MEAF6: variants seen among roughly 807,000 people sequenced by gnomAD.
The protein encoded by MEAF6 is chromatin modification-related protein MEAF6.
MEAF6 carries 15 observed loss-of-function variants against 28.9 expected under a neutral mutation model. The observed-to-expected ratio is 0.52, with a 90% CI of 0.35 to 0.80. MEAF6 has a LOEUF of 0.80. Ranked by LOEUF, MEAF6 falls within the 30% of genes least tolerant of loss-of-function variation. MEAF6 has a pLI of 0.01. For synonymous variants in MEAF6, 97 were observed against 88.7 expected (o/e 1.09, Z -0.53); for missense variants, 178 against 237.5 (o/e 0.75, Z 1.65).
In MEAF6 at chr1:37,491,696, CAATAAATAAATA is replaced by C. The variant is rs57369458; in HGVS notation, c.*2391_*2402del. Among the ~76,000 whole-genome samples, 15 of 142,536 alleles carry C rather than the reference CAATAAATAAATA, an allele frequency of 1.1e-4. No individual in the cohort carries two copies. Among genetic ancestry groups the C allele is most frequent in the East Asian group, 2.0e-4 (1 of 4,882 alleles). 93.5% of individuals were successfully genotyped at this position (142,536 alleles called of 152,430 possible). ...CCTGGGTGACAGAGCAAGATCCTGTCAATAAATAAATAAATAAATAAATAAATAAATAAAATA... is the reference window on the plus strand; with the variant it reads ...CCTGGGTGACAGAGCAAGATCCTGTCAATAAATAAATAAATAAATAAAATA... On this transcript the variant is annotated 3_prime_UTR_variant, in exon 7 of 7. Transcript: ENST00000296214.
At chr1:37,496,769 T>C (rs746006130) in intron 5 of MEAF6, 6 of 1,579,980 alleles carry the variant, frequency 3.8e-6, no homozygotes, top group South Asian at 1.2e-5. Context: ...AAGAAAGCAA[T>C]AGAAATTAAT....
chr1:37,491,083 T>C lies in MEAF6; in HGVS notation c.*3016A>G, dbSNP rs965590878. Among the ~76,000 whole-genome samples the C allele has an allele frequency of 3.9e-5, 6 of 152,148 alleles. No individual in the cohort carries two copies. The highest frequency in any genetic ancestry group is 2.0e-4 in the Admixed American group (3 of 15,270). On this transcript the variant is annotated 3_prime_UTR_variant, in exon 7 of 7. Transcript: ENST00000296214. Reference sequence around the variant, plus strand: ...TAATTTGGAGTAAGGTTGGGGGGCATAGAAGACAGAATAAATGCAAAAACT... The same window carrying C: ...TAATTTGGAGTAAGGTTGGGGGGCACAGAAGACAGAATAAATGCAAAAACT...
rs1446633910 is a variant in MEAF6, at chr1:37,508,223, A to G, written c.340+1055T>C. ...TACAGAGTAAATAGCACTATTTTCC[A>G]TTTTATACTTAAGAACATACAGGTA... is the stretch of plus-strand genomic sequence containing the variant. On this transcript the variant is annotated intron_variant, in intron 4 of 6. Coordinates refer to ENST00000296214, the MANE Select transcript of MEAF6 (RefSeq NM_001270875.3). 2.0e-5 allele frequency among the ~76,000 whole-genome samples: 3 copies of G among 147,812 alleles called. No individual in the cohort carries two copies. In the East Asian group the frequency reaches 5.9e-4, roughly 29 times the overall value.
At chr1:37,505,686 C>A (rs191979325) in intron 4 of MEAF6, among the ~76,000 whole-genome samples, 40 of 152,270 alleles carry the variant, frequency 2.6e-4, no homozygotes, top group Admixed American at 9.8e-4. Context: ...ACTAAAAAAA[C>A]AACATGCTAC....
At position 37,495,932 on chromosome 1, in the gene MEAF6, G is replaced by A; in HGVS notation, c.534-14C>T. ...TTCAGATCAATCCTGTGACAGAAAA[G>A]ATAAAAGATATTTCCATTTTAATTT... On this transcript the variant is annotated splice_polypyrimidine_tract_variant and intron_variant, in intron 5 of 6. Transcript: ENST00000296214. 6.2e-7 allele frequency: 1 copy of A among 1,611,912 alleles called. No individual in the cohort carries two copies. Among genetic ancestry groups the A allele is most frequent in the Non-Finnish European group, 8.5e-7 (1 of 1,178,132 alleles).
At chr1:37,495,848 T>C (rs373187423) in intron 6 of MEAF6, 37 bp downstream of exon 6, 7 of 1,610,582 alleles carry the variant, frequency 4.3e-6, no homozygotes, top group African/African-American at 2.7e-5. Flanking sequence ...ATCTACAAAA[T>C]TGCCAGCCTC....
At chr1:37,494,446 C>T (rs980772305) in intron 6 of MEAF6, among the ~76,000 whole-genome samples, 2 of 137,248 alleles carry the variant, frequency 1.5e-5, no homozygotes, top group Non-Finnish European at 3.0e-5. Context: ...ACCTGGAAGG[C>T]GGAGGTTGCA....
intron 5 of MEAF6, among the ~76,000 whole-genome samples, chr1:37,498,602 G>GT (rs957878443): frequency 4.0e-5 from 6 of 151,444 alleles, no homozygotes; most frequent in Admixed American, 6.6e-5. Context: ...TAATTACTGT[G>GT]TTTTTTTGTA....
At chr1:37,499,783 T>G (rs1642238027) in intron 5 of MEAF6, among the ~76,000 whole-genome samples, 1 of 152,204 alleles carries the variant, frequency 6.6e-6, no homozygotes, top group African/African-American at 2.4e-5. Flanking sequence ...AGAAGTATTG[T>G]TCCTATGGAA....
At chr1:37,505,832 G>A (rs114060931) in intron 4 of MEAF6, among the ~76,000 whole-genome samples, 7,757 of 152,226 alleles carry the variant, frequency 0.051, 291 homozygotes, top group Non-Finnish European at 0.077. Flanking sequence ...ACAATTCAAT[G>A]AAGAAAGAAA....
intron 2 of MEAF6, among the ~76,000 whole-genome samples, chr1:37,510,387 T>TC (rs1348386517): frequency 1.4e-5 from 2 of 144,710 alleles, no homozygotes; most frequent in Non-Finnish European, 3.0e-5. Flanking sequence ...AGCCATTTTT[T>TC]TTTTTTTTTT....
rs997669490 is a variant in MEAF6 at position 37,490,825 on chromosome 1, G to A, written c.*3274C>T. ...GTGGATTACGAAGTCAGGAGTTTGA[G>A]TCCAGCCTGGCCAATATGGTGAAAC... On this transcript the variant is annotated 3_prime_UTR_variant, in exon 7 of 7. Coordinates refer to ENST00000296214, the MANE Select transcript of MEAF6 (RefSeq NM_001270875.3). Among the ~76,000 whole-genome samples the A allele has an allele frequency of 6.6e-5, 10 of 151,952 alleles. No homozygotes were observed.
chr1:37,514,532 C>T (rs2294874), intron 1 of MEAF6, 125 bp downstream of exon 1: 2 of 618,270 alleles, frequency 3.2e-6, no homozygotes, highest in East Asian at 7.8e-5. Flanking sequence ...CTCAGGCCGC[C>T]GAGCACCCGG....
intron 6 of MEAF6, 90 bp downstream of exon 6, chr1:37,495,795 T>C: frequency 7.8e-7 from 1 of 1,280,036 alleles, no homozygotes; most frequent in Non-Finnish European, 1.1e-6. Context: ...TGACTCCAGG[T>C]TAGGAACACT....
chr1:37,513,347 G>T, intron 2 of MEAF6, 76 bp downstream of exon 2: 1 of 1,076,742 alleles, frequency 9.3e-7, no homozygotes, highest in Non-Finnish European at 1.4e-6. Context: ...CAGCAAAGTT[G>T]CCACTAAGAG....
intron 6 of MEAF6, 76 bp from the exon 7 acceptor site, chr1:37,494,183 T>A: frequency 1.6e-6 from 2 of 1,276,510 alleles, no homozygotes; most frequent in Non-Finnish European, 1.1e-6. Flanking sequence ...AAAAAAAATC[T>A]CATAAACAAC....
rs1047160669 is a variant in MEAF6, at chr1:37,492,204, A to AT, written c.*1894dup. 6.6e-6 allele frequency among the ~76,000 whole-genome samples: 1 copy of AT among 151,894 alleles called. No homozygotes were observed. The highest frequency in any genetic ancestry group is 2.1e-4 in the South Asian group (1 of 4,824). ...CCACCACGCTCAGCTAATTTTTTGC[A>AT]TTTTTAGTAGAGATGGGGTTTCACT... On this transcript the variant is annotated 3_prime_UTR_variant, in exon 7 of 7. Transcript: ENST00000296214.
At chr1:37,494,531 A>G (rs1050565533) in intron 6 of MEAF6, among the ~76,000 whole-genome samples, 5 of 146,634 alleles carry the variant, frequency 3.4e-5, no homozygotes, top group African/African-American at 1.3e-4. Flanking sequence ...AAAAAAAAAA[A>G]AAAAAGATTG....
chr1:37,502,998 A>C (rs1170355893), intron 4 of MEAF6, among the ~76,000 whole-genome samples: 2 of 152,130 alleles, frequency 1.3e-5, no homozygotes, highest in Non-Finnish European at 2.9e-5. Context: ...ACTGGTGTGA[A>C]CTGGTGTGAT....
Sources: gnomAD v4.1 joint callset for allele counts (sites outside exome capture counted in the v4.1 genomes callset) on GRCh38, gnomAD v4.1.1 for gene constraint, MANE v1.5 for transcripts, NCBI Gene and HGNC (gene_info 2026-07-23, HGNC 2026-07-21) for gene names.